Variants in SPAG16 observed in about 807,000 individuals in gnomAD.
SPAG16 encodes the protein sperm-associated antigen 16 protein.
A neutral mutation model predicts 80.4 loss-of-function variants in SPAG16; 86 were observed. That is an observed-to-expected ratio of 1.07 (90% CI 0.90 to 1.28). The LOEUF (loss-of-function observed/expected upper bound fraction) is 1.28. Among genes scored for constraint, SPAG16 ranks in the 50% most tolerant of loss-of-function variants. The pLI, the probability that SPAG16 is intolerant of heterozygous loss-of-function variation, is 0.00. For synonymous variants in SPAG16, 294 were observed against 265.9 expected (o/e 1.11, Z -1.03); for missense variants, 870 against 765.3 (o/e 1.14, Z -1.61).
chr2:213,964,308 C>T (rs1207297361), intron 12 of SPAG16, among the ~76,000 whole-genome samples: 1 of 151,954 alleles, frequency 6.6e-6, no homozygotes, highest in Non-Finnish European at 1.5e-5. Flanking sequence ...ATAATCATCT[C>T]TATTTATATT....
intron 10 of SPAG16, among the ~76,000 whole-genome samples, chr2:213,535,758 C>T (rs543810779): frequency 2.6e-5 from 4 of 152,176 alleles, no homozygotes; most frequent in African/African-American, 9.6e-5. Context: ...TGTTCTTTAG[C>T]AATTAAGAGT....
chr2:214,346,892 T>C (rs191622630), intron 15 of SPAG16, among the ~76,000 whole-genome samples: 10 of 152,312 alleles, frequency 6.6e-5, no homozygotes, highest in Admixed American at 1.3e-4. Context: ...GGAAGAATCA[T>C]CTATCCAAGC....
intron 8 of SPAG16, chr2:213,364,353 G>A (rs561341440): frequency 3.7e-6 from 1 of 273,388 alleles, no homozygotes; most frequent in South Asian, 1.5e-4. Flanking sequence ...ATAATGGAAG[G>A]ACTTCTGCTT....
chr2:214,050,419 T>C lies in SPAG16; in HGVS notation c.1527+36342T>C, dbSNP rs111526430. Among the ~76,000 whole-genome samples the C allele has an allele frequency of 6.5e-3, 986 of 152,230 alleles. 13 individuals carry two copies. Among genetic ancestry groups the C allele is most frequent in the African/African-American group, 0.023 (950 of 41,548 alleles). On this transcript the variant is annotated intron_variant, in intron 13 of 15. Coordinates refer to ENST00000331683, the MANE Select transcript of SPAG16 (RefSeq NM_024532.5). Reference sequence around the variant, plus strand: ...AAACATTCATCTGGCCCTTTCTGTATCAGCATCAATATCTGAGTGGTCTGA... The same window carrying C: ...AAACATTCATCTGGCCCTTTCTGTACCAGCATCAATATCTGAGTGGTCTGA...
intron 10 of SPAG16, among the ~76,000 whole-genome samples, chr2:213,673,936 T>C (rs1559364079): frequency 6.6e-6 from 1 of 152,168 alleles, no homozygotes; most frequent in Non-Finnish European, 1.5e-5. Flanking sequence ...CTATATGAAA[T>C]ATTAACAACT....
intron 11 of SPAG16, among the ~76,000 whole-genome samples, chr2:213,884,226 G>C (rs1365471994): frequency 6.6e-6 from 1 of 151,260 alleles, no homozygotes; most frequent in Non-Finnish European, 1.5e-5. Flanking sequence ...CTCAGAGTTT[G>C]CTTGTCTGAG....
Position 213,730,351 on chromosome 2 carries a change from G to A in SPAG16, c.1071-132134G>A, listed in dbSNP as rs533106345. Among the ~76,000 whole-genome samples, 6 of 152,280 alleles carry A rather than the reference G, an allele frequency of 3.9e-5. No individual in the cohort carries two copies. In the South Asian group the frequency reaches 1.2e-3, roughly 32 times the overall value. ...TTTGGGATCAAAATACAATTATAGGGAAATCAGTAGCATATTTTTACCATA... is the reference window on the plus strand; with the variant it reads ...TTTGGGATCAAAATACAATTATAGGAAAATCAGTAGCATATTTTTACCATA... On this transcript the variant is annotated intron_variant, in intron 10 of 15. Coordinates refer to ENST00000331683, the MANE Select transcript of SPAG16 (RefSeq NM_024532.5).
intron 10 of SPAG16, among the ~76,000 whole-genome samples, chr2:213,516,847 G>GA (rs2075443526): frequency 6.6e-6 from 1 of 151,952 alleles, no homozygotes; most frequent in Non-Finnish European, 1.5e-5. Context: ...TCATTAAATG[G>GA]AAAAAATAGA....
rs563916586 is a variant in SPAG16, at chr2:213,969,175, GT to G, written c.1400+39033del. ...AGGCAAAGACATGGTAGAAAATGAG[GT>G]TTGCAAAGCATTTTGAGGCAGACAG... On this transcript the variant is annotated intron_variant, in intron 12 of 15. Coordinates refer to ENST00000331683, the MANE Select transcript of SPAG16 (RefSeq NM_024532.5). Among the ~76,000 whole-genome samples the G allele has an allele frequency of 1.6e-4, 25 of 152,272 alleles. No individual in the cohort carries two copies. In the East Asian group the frequency reaches 3.5e-3, roughly 21 times the overall value.
intron 15 of SPAG16, among the ~76,000 whole-genome samples, chr2:214,187,864 C>T (rs947885872): frequency 4.0e-5 from 6 of 151,876 alleles, no homozygotes; most frequent in Admixed American, 1.3e-4. Flanking sequence ...TCCAAACTTT[C>T]GGACAAAGTA....
chr2:214,152,411 C>T (rs919479836), intron 15 of SPAG16, among the ~76,000 whole-genome samples: 1 of 152,140 alleles, frequency 6.6e-6, no homozygotes, highest in Admixed American at 6.5e-5. Flanking sequence ...AGACTTTAGG[C>T]ACATTACCTA....
intron 15 of SPAG16, among the ~76,000 whole-genome samples, chr2:214,288,893 C>T (rs999648648): frequency 4.6e-5 from 7 of 152,052 alleles, no homozygotes; most frequent in African/African-American, 1.2e-4. Context: ...CTCAGCCTCT[C>T]GAGCAGCTGG....
In SPAG16 at chr2:214,283,172, G is replaced by C. The variant is rs141156457; in HGVS notation, c.1721-126968G>C. On this transcript the variant is annotated intron_variant, in intron 15 of 15. Transcript: ENST00000331683. ...CCAGTCTTCTGTCAGTAAATTGATT[G>C]TACACAGGTTTACTGCCTGAGTAAT... Among the ~76,000 whole-genome samples the C allele has an allele frequency of 3.9e-3, 587 of 152,128 alleles. 3 individuals carry two copies. The highest frequency in any genetic ancestry group is 0.014 in the African/African-American group (568 of 41,522).
In SPAG16 at chr2:214,334,038, T is replaced by C. The variant is rs58522972; in HGVS notation, c.1721-76102T>C. Among the ~76,000 whole-genome samples, 597 of 152,312 alleles carry C rather than the reference T, an allele frequency of 3.9e-3. 3 individuals are homozygous for C. The highest frequency in any genetic ancestry group is 0.013 in the African/African-American group (561 of 41,572). On this transcript the variant is annotated intron_variant, in intron 15 of 15. Coordinates refer to ENST00000331683, the MANE Select transcript of SPAG16 (RefSeq NM_024532.5). ...GGAGAGTGCTCCCATATAGGTAATC[T>C]CTCCCATATCCAATATGTCCCATGC...
intron 10 of SPAG16, among the ~76,000 whole-genome samples, chr2:213,791,901 C>T (rs1445196255): frequency 3.3e-5 from 5 of 152,094 alleles, no homozygotes; most frequent in Non-Finnish European, 5.9e-5. Context: ...ATATTTTGTA[C>T]ATATTATGTC....
chr2:213,352,384 T>C (rs2065381721), intron 7 of SPAG16, among the ~76,000 whole-genome samples: 1 of 152,180 alleles, frequency 6.6e-6, no homozygotes, highest in African/African-American at 2.4e-5. Flanking sequence ...CTTTATTCTA[T>C]ATCCTGAGGT....
intron 12 of SPAG16, among the ~76,000 whole-genome samples, chr2:213,931,596 C>G (rs1483867790): frequency 6.6e-6 from 1 of 152,128 alleles, no homozygotes; most frequent in Non-Finnish European, 1.5e-5. Flanking sequence ...GAACTCTTAA[C>G]TACCCAGGGT....
At chr2:214,117,814 A>G (rs1332706686) in intron 14 of SPAG16, among the ~76,000 whole-genome samples, 1 of 152,210 alleles carries the variant, frequency 6.6e-6, no homozygotes, top group Non-Finnish European at 1.5e-5. Context: ...ATCCCTTTAT[A>G]ATAAAAACCC....
chr2:214,237,394 G>T (rs1336728383), intron 15 of SPAG16, among the ~76,000 whole-genome samples: 4 of 151,646 alleles, frequency 2.6e-5, no homozygotes, highest in Non-Finnish European at 4.4e-5. Flanking sequence ...TACCATACAT[G>T]TAATCATTAA....
Sources: gnomAD v4.1 joint callset for allele counts (sites outside exome capture counted in the v4.1 genomes callset) on GRCh38, gnomAD v4.1.1 for gene constraint, MANE v1.5 for transcripts, NCBI Gene and HGNC (gene_info 2026-07-23, HGNC 2026-07-21) for gene names.